The following TDRD3 variants were observed in gnomAD, a reference collection of about 807,000 sequenced individuals.
The protein encoded by TDRD3 is tudor domain-containing protein 3.
A neutral mutation model predicts 86.7 loss-of-function variants in TDRD3; 45 were observed. That is an observed-to-expected ratio of 0.52 (90% CI 0.41 to 0.67). The LOEUF is 0.67. Among genes scored for constraint, TDRD3 ranks in the 30% least tolerant of loss-of-function variants. The pLI, the probability that TDRD3 is intolerant of heterozygous loss-of-function variation, is 0.00. For missense variants in TDRD3, 814 were observed against 889.0 expected, an observed-to-expected ratio of 0.92 and a Z score of 1.07; for synonymous variants, 298 against 301.7, an observed-to-expected ratio of 0.99 and a Z score of 0.13.
rs1008488994 is a variant in TDRD3 at position 60,528,413 on chromosome 13, A to T, written c.1188A>T (p.Ser396=). ...PQQLHQGQYR[S]SNTEQNGVKD... ...AGCTTCATCAGGGACAATACAGATC[A>T]TCAAATACTGAGCAAAATGGAGTAA... is the stretch of plus-strand genomic sequence containing the variant. Residue 396 remains serine, a synonymous_variant, in exon 11 of 14, where the codon TCA becomes TCT. Transcript: ENST00000377881. 4.3e-6 allele frequency: 7 copies of T among 1,613,628 alleles called. No homozygotes were observed. The African/African-American group carries it at 9.3e-5, about 22-fold the overall frequency.
intron 1 of TDRD3, among the ~76,000 whole-genome samples, chr13:60,408,236 C>G (rs1335610089): frequency 3.3e-5 from 5 of 152,200 alleles, no homozygotes; most frequent in Admixed American, 2.0e-4. Context: ...CCATGTGGAA[C>G]TGTAAGTCCA....
At chr13:60,463,872 C>G (rs111340190) in intron 4 of TDRD3, among the ~76,000 whole-genome samples, 12 of 152,058 alleles carry the variant, frequency 7.9e-5, no homozygotes, top group African/African-American at 2.9e-4. Context: ...ACCCTCTAAA[C>G]CCTATATTGG....
At chr13:60,401,844 C>T (rs1457699767) in intron 1 of TDRD3, among the ~76,000 whole-genome samples, 1 of 152,176 alleles carries the variant, frequency 6.6e-6, no homozygotes, top group African/African-American at 2.4e-5. Context: ...AACTCCTTTC[C>T]CTTCATTTCA....
At chr13:60,460,563 T>C (rs755304399) in intron 4 of TDRD3, 23 bp downstream of exon 4, 1 of 1,519,292 alleles carries the variant, frequency 6.6e-7, no homozygotes, top group Non-Finnish European at 8.7e-7. Context: ...TTATTTTGTG[T>C]ATTTGTTACA....
intron 5 of TDRD3, among the ~76,000 whole-genome samples, chr13:60,482,884 A>G (rs1455189868): frequency 6.6e-6 from 1 of 151,748 alleles, no homozygotes; most frequent in African/African-American, 2.4e-5. Context: ...TTTAATCATA[A>G]TGGTTTCTGT....
At chr13:60,432,405 C>T (rs766823671) in intron 1 of TDRD3, among the ~76,000 whole-genome samples, 20 of 152,052 alleles carry the variant, frequency 1.3e-4, no homozygotes, top group Non-Finnish European at 2.8e-4. Context: ...TTCATTATGG[C>T]AAAATACTGT....
intron 12 of TDRD3, among the ~76,000 whole-genome samples, chr13:60,560,777 TTAAAG>T (rs1958314566): frequency 6.6e-6 from 1 of 152,190 alleles, no homozygotes; most frequent in African/African-American, 2.4e-5. Context: ...AATATAGTAT[TTAAAG>T]AAAAAAGATT....
At chr13:60,500,995 A>G (rs898904751) in intron 8 of TDRD3, among the ~76,000 whole-genome samples, 2 of 152,174 alleles carry the variant, frequency 1.3e-5, no homozygotes, top group African/African-American at 4.8e-5. Context: ...GCTCAGCAAC[A>G]TGGAACTCCA....
intron 8 of TDRD3, among the ~76,000 whole-genome samples, chr13:60,496,593 A>C (rs1038948554): frequency 6.6e-6 from 1 of 151,948 alleles, no homozygotes; most frequent in Non-Finnish European, 1.5e-5. Flanking sequence ...TTTTTGATTC[A>C]TCACTCATGA....
At chr13:60,570,480 T>C (rs976625977) in intron 13 of TDRD3, among the ~76,000 whole-genome samples, 3 of 152,238 alleles carry the variant, frequency 2.0e-5, no homozygotes, top group African/African-American at 7.2e-5. Context: ...TTAGCACAGC[T>C]ACTATGGAGA....
chr13:60,397,213 C>G, upstream of TDRD3: 1 of 434,020 alleles, frequency 2.3e-6, no homozygotes, highest in Non-Finnish European at 3.9e-6. Flanking sequence ...GCGGAAGCGC[C>G]GGCCGCACTG....
At chr13:60,470,123 A>G (rs1956044526) in intron 5 of TDRD3, among the ~76,000 whole-genome samples, 1 of 152,200 alleles carries the variant, frequency 6.6e-6, no homozygotes, top group African/African-American at 2.4e-5. Context: ...TATGTGTGGA[A>G]TCATACAGTA....
chr13:60,555,703 A>T (rs899512336), intron 12 of TDRD3, among the ~76,000 whole-genome samples: 6 of 152,152 alleles, frequency 3.9e-5, no homozygotes, highest in African/African-American at 1.4e-4. Flanking sequence ...AATTGTTCTG[A>T]TGAGTATCAT....
At chr13:60,402,691 C>CTTTTTT (rs35984156) in intron 1 of TDRD3, among the ~76,000 whole-genome samples, 4 of 73,292 alleles carry the variant, frequency 5.5e-5, no homozygotes, top group Non-Finnish European at 7.4e-5. Flanking sequence ...AAACCAATTG[C>CTTTTTT]TTTTTTTTTT....
intron 1 of TDRD3, among the ~76,000 whole-genome samples, chr13:60,411,152 A>G (rs1007208653): frequency 2.0e-5 from 3 of 152,208 alleles, no homozygotes; most frequent in African/African-American, 7.2e-5. Context: ...ATTTTCTACT[A>G]GTTATAAAGA....
At chr13:60,535,414 T>C in intron 12 of TDRD3, 181 bp downstream of exon 12, 1 of 477,554 alleles carries the variant, frequency 2.1e-6, no homozygotes, top group African/African-American at 2.0e-5. Flanking sequence ...ACAATAAAAA[T>C]GAATGCATTG....
At chr13:60,468,236 A>G (rs1460848953) in intron 5 of TDRD3, among the ~76,000 whole-genome samples, 1 of 152,104 alleles carries the variant, frequency 6.6e-6, no homozygotes, top group Non-Finnish European at 1.5e-5. Context: ...AGCCAAATGG[A>G]GTTGCTTCGT....
chr13:60,404,311 C>CT (rs750395505), intron 1 of TDRD3, among the ~76,000 whole-genome samples: 2,558 of 135,440 alleles, frequency 0.019, 61 homozygotes, highest in African/African-American at 0.047. Flanking sequence ...GGTTTGTTTG[C>CT]TTTTTTTTTT....
At chr13:60,488,495 C>T (rs1956501183) in intron 7 of TDRD3, among the ~76,000 whole-genome samples, 1 of 152,050 alleles carries the variant, frequency 6.6e-6, no homozygotes, top group South Asian at 2.1e-4. Flanking sequence ...TTTTCATATA[C>T]CTGTTGACCA....
Sources: allele counts gnomAD v4.1 joint callset (sites outside exome capture counted in the v4.1 genomes callset), GRCh38; gene constraint gnomAD v4.1.1; transcripts MANE v1.5; gene names NCBI Gene and HGNC (gene_info 2026-07-23, HGNC 2026-07-21).